The following CMC1 variants were observed in gnomAD, a reference collection of about 807,000 sequenced individuals.
CMC1 encodes C-X9-C motif containing 1, also known as COX assembly mitochondrial protein homolog.
Under a neutral mutation model 14.1 loss-of-function variants are expected in CMC1, and 14 were observed. The ratio of observed to expected loss-of-function variants is 0.99; its 90% CI spans 0.66 to 1.55. CMC1 has a LOEUF of 1.55. CMC1 is among the 40% of genes most tolerant of loss of function. The pLI is 0.00. For missense variants in CMC1, 127 were observed against 123.8 expected (o/e 1.03, Z -0.12); for synonymous variants, 50 against 38.4 (o/e 1.30, Z -1.12).
At chr3:28,290,877 T>C (rs1701435848) in intron 2 of CMC1, among the ~76,000 whole-genome samples, 1 of 151,996 alleles carries the variant, frequency 6.6e-6, no homozygotes, top group South Asian at 2.1e-4. Flanking sequence ...GGTATCTCGG[T>C]ATGACAACTG....
Position 28,319,653 on chromosome 3 carries a change from G to A in CMC1, c.*24G>A. On this transcript the variant is annotated 3_prime_UTR_variant, in exon 4 of 4. Transcript: ENST00000466830. ...AGGCAGATACTCAAATGACATTCAG[G>A]AACTCTAATATTCATGGAAGTCATT... 1 of 1,580,628 alleles carries A rather than the reference G, an allele frequency of 6.3e-7. No individual in the cohort carries two copies. The highest frequency in any genetic ancestry group is 2.3e-5 in the East Asian group (1 of 44,416).
At position 28,241,815 on chromosome 3, in the gene CMC1, A is replaced by G; in HGVS notation, c.19+3A>G. The G allele has an allele frequency of 7.3e-6, 9 of 1,239,120 alleles. No individual in the cohort carries two copies. Among genetic ancestry groups the G allele is most frequent in the Non-Finnish European group, 8.1e-6 (8 of 988,036 alleles). 76.8% of individuals were successfully genotyped at this position (1,239,120 alleles called of 1,614,324 possible). A position where few individuals can be genotyped will look rare whatever the true frequency, so the allele number is the denominator to read the frequency against. On this transcript the variant is annotated splice_donor_region_variant and intron_variant, in intron 1 of 3. Transcript: ENST00000466830. ...CGAGATGGCGCTCGACCCCGCAGGT[A>G]CCGGGGCGGGAAGCGGGGTTTGCCG...
rs1485048750 is a variant in CMC1, at chr3:28,323,989, G to A, written c.*4360G>A. ...AGTTTGTTAAATAATTTCTTGGGAG[G>A]ACCACTGAAAGAGATAAGTGTCCTC... is the stretch of plus-strand genomic sequence containing the variant. On this transcript the variant is annotated 3_prime_UTR_variant, in exon 4 of 4. Transcript: ENST00000466830. 1.3e-6 allele frequency: 2 copies of A among 1,502,124 alleles called. No homozygotes were observed. Among genetic ancestry groups the A allele is most frequent in the African/African-American group, 2.8e-5 (2 of 71,024 alleles). The allele number at this position is 1,502,124 out of a possible 1,614,324, so 93.0% of individuals were successfully genotyped here.
chr3:28,291,436 G>A (rs187479929), intron 2 of CMC1, among the ~76,000 whole-genome samples: 1 of 152,118 alleles, frequency 6.6e-6, no homozygotes, highest in East Asian at 1.9e-4. Context: ...AATTTTAGCT[G>A]TGTCTATGCT....
intron 2 of CMC1, among the ~76,000 whole-genome samples, chr3:28,292,253 C>G: frequency 6.6e-6 from 1 of 151,902 alleles, no homozygotes; most frequent in East Asian, 1.9e-4. Flanking sequence ...CAATTTTTGT[C>G]TTTTTAAAAC....
chr3:28,253,884 C>G (rs1429423453), intron 1 of CMC1: 1 of 427,726 alleles, frequency 2.3e-6, no homozygotes, highest in African/African-American at 2.1e-5. Flanking sequence ...ATATCACATT[C>G]TTTGCTATTA....
In CMC1 at chr3:28,283,914, C is replaced by T. The variant is rs536696087; in HGVS notation, c.109+20534C>T. ...AAAAGCAGCTAGATGTTCATTGAATCCTAGATTGTGTCAGTACAGTGTACA... is the reference window on the plus strand; with the variant it reads ...AAAAGCAGCTAGATGTTCATTGAATTCTAGATTGTGTCAGTACAGTGTACA... On this transcript the variant is annotated intron_variant, in intron 2 of 3. Coordinates refer to ENST00000466830, the MANE Select transcript of CMC1 (RefSeq NM_182523.2). Among the ~76,000 whole-genome samples, 11 of 152,214 alleles carry T rather than the reference C, an allele frequency of 7.2e-5. No individual in the cohort carries two copies. In the East Asian group the frequency reaches 2.1e-3, roughly 29 times the overall value.
chr3:28,244,041 G>A (rs1256026774), intron 1 of CMC1, among the ~76,000 whole-genome samples: 1 of 152,216 alleles, frequency 6.6e-6, no homozygotes. Context: ...ACGTGGGTCA[G>A]AGTGTGGAGG....
At chr3:28,262,250 A>G (rs1240117465) in intron 1 of CMC1, among the ~76,000 whole-genome samples, 1 of 152,138 alleles carries the variant, frequency 6.6e-6, no homozygotes. Context: ...CAGACATTTC[A>G]TCAGAGTGCA....
At chr3:28,281,957 A>G (rs1700918432) in intron 2 of CMC1, among the ~76,000 whole-genome samples, 2 of 152,176 alleles carry the variant, frequency 1.3e-5, no homozygotes, top group Admixed American at 1.3e-4. Context: ...AATGATGTAG[A>G]TAAAGACTGA....
intron 2 of CMC1, among the ~76,000 whole-genome samples, chr3:28,288,587 A>T (rs1471159891): frequency 6.6e-6 from 1 of 152,050 alleles, no homozygotes; most frequent in Non-Finnish European, 1.5e-5. Context: ...GTAAATGTAC[A>T]ACTGCAACTG....
Position 28,283,551 on chromosome 3 carries a change from C to CAAAAAA in CMC1, c.109+20182_109+20187dup, listed in dbSNP as rs5847510. Among the ~76,000 whole-genome samples, 464 of 118,020 alleles carry CAAAAAA rather than the reference C, an allele frequency of 3.9e-3. 1 individual carries two copies. Among genetic ancestry groups the CAAAAAA allele is most frequent in the African/African-American group, 0.012 (397 of 31,944 alleles). The allele number at this position is 118,020 out of a possible 152,430, so 77.4% of individuals were successfully genotyped here. A position where few individuals can be genotyped will look rare whatever the true frequency, so the allele number is the denominator to read the frequency against. On this transcript the variant is annotated intron_variant, in intron 2 of 3. Coordinates refer to ENST00000466830, the MANE Select transcript of CMC1 (RefSeq NM_182523.2). Reference sequence around the variant, plus strand: ...ACAACAACAACAACAACAACAAAAACAAAAAAAAAAAAAAAAGAAAAGAAG... The same window carrying CAAAAAA: ...ACAACAACAACAACAACAACAAAAACAAAAAAAAAAAAAAAAAAAAAAGAAAAGAAG...
chr3:28,322,762 G>T lies in CMC1; in HGVS notation c.*3133G>T, dbSNP rs1375168473. On this transcript the variant is annotated 3_prime_UTR_variant, in exon 4 of 4. Transcript: ENST00000466830. The stretch of plus-strand genomic sequence containing the variant: ...AAGCTTGAATAAGTGTAAGATAATA[G>T]AAAAAAATATCTAGTGAATGGCGAA... The T allele has an allele frequency of 6.6e-6, 1 of 151,364 alleles. No homozygotes were observed. Among genetic ancestry groups the T allele is most frequent in the African/African-American group, 2.4e-5 (1 of 41,258 alleles). 9.4% of individuals were successfully genotyped at this position (151,364 alleles called of 1,614,324 possible).
chr3:28,260,616 A>G (rs1263779919), intron 1 of CMC1, among the ~76,000 whole-genome samples: 2 of 148,218 alleles, frequency 1.3e-5, no homozygotes, highest in Non-Finnish European at 3.0e-5. Flanking sequence ...TTTGATATTT[A>G]TCTTTTCCTC....
At chr3:28,270,871 A>ATACAC (rs1188262479) in intron 2 of CMC1, among the ~76,000 whole-genome samples, 1 of 144,054 alleles carries the variant, frequency 6.9e-6, no homozygotes, top group East Asian at 2.1e-4. Flanking sequence ...CTTCTAGTGT[A>ATACAC]TAGTTTTGGG....
At chr3:28,292,867 C>T (rs1319726114) in intron 2 of CMC1, 2 of 152,182 alleles carry the variant, frequency 1.3e-5, no homozygotes, top group East Asian at 3.9e-4. Flanking sequence ...TGTTGTACTT[C>T]ATCAAATTGT....
At chr3:28,311,475 C>T (rs971613115) in intron 2 of CMC1, among the ~76,000 whole-genome samples, 8 of 152,040 alleles carry the variant, frequency 5.3e-5, no homozygotes, top group South Asian at 2.1e-4. Flanking sequence ...GCTGTGTGTC[C>T]CTGTGGCCTT....
rs376712998 is a variant in CMC1, at chr3:28,282,780, T to C, written c.109+19400T>C. 5.3e-5 allele frequency among the ~76,000 whole-genome samples: 8 copies of C among 152,312 alleles called. No individual in the cohort carries two copies. In the East Asian group the frequency reaches 9.6e-4, roughly 18 times the overall value. Reference sequence around the variant, plus strand: ...TGTTTACATTTAACTTTTTCATCCCTTTGATTCTTCATCATAACCTTAAAA... The same window carrying C: ...TGTTTACATTTAACTTTTTCATCCCCTTGATTCTTCATCATAACCTTAAAA... On this transcript the variant is annotated intron_variant, in intron 2 of 3. Coordinates refer to ENST00000466830, the MANE Select transcript of CMC1 (RefSeq NM_182523.2).
chr3:28,265,425 G>A (rs919906754), intron 2 of CMC1, among the ~76,000 whole-genome samples: 20 of 151,918 alleles, frequency 1.3e-4, no homozygotes, highest in Non-Finnish European at 2.6e-4. Flanking sequence ...ATTTAGAATC[G>A]GGACATTTCC....
Sources: allele counts gnomAD v4.1 joint callset (sites outside exome capture counted in the v4.1 genomes callset), GRCh38; gene constraint gnomAD v4.1.1; transcripts MANE v1.5; gene names NCBI Gene and HGNC (gene_info 2026-07-23, HGNC 2026-07-21).